The following KCNJ6 variants were observed in gnomAD, a reference collection of about 807,000 sequenced individuals.
KCNJ6 encodes the protein potassium inwardly rectifying channel subfamily J member 6.
KCNJ6 carries 9 observed loss-of-function variants against 34.2 expected under a neutral mutation model. The observed-to-expected ratio is 0.26, with a 90% CI of 0.16 to 0.46. The LOEUF is 0.46. Among genes scored for constraint, KCNJ6 ranks in the 20% least tolerant of loss-of-function variants. KCNJ6 has a pLI of 1.00. For synonymous variants in KCNJ6, 196 were observed against 207.1 expected, an observed-to-expected ratio of 0.95 and a Z score of 0.46; for missense variants, 236 against 531.3, an observed-to-expected ratio of 0.44 and a Z score of 5.46.
At chr21:37,781,746 C>T (rs1207782447) in intron 2 of KCNJ6, among the ~76,000 whole-genome samples, 1 of 152,096 alleles carries the variant, frequency 6.6e-6, no homozygotes, top group Non-Finnish European at 1.5e-5. Flanking sequence ...TATTTTAGGT[C>T]AAGATTCTGT....
intron 3 of KCNJ6, among the ~76,000 whole-genome samples, chr21:37,637,401 A>T (rs888898793): frequency 1.3e-5 from 2 of 152,234 alleles, no homozygotes; most frequent in African/African-American, 2.4e-5. Context: ...GTGGATTTTT[A>T]AAAATGTCTA....
At chr21:37,653,750 T>G (rs2054444435) in intron 3 of KCNJ6, among the ~76,000 whole-genome samples, 1 of 152,218 alleles carries the variant, frequency 6.6e-6, no homozygotes, top group Admixed American at 6.5e-5. Context: ...TTTAATTATC[T>G]TGCCTTTCTT....
intron 2 of KCNJ6, among the ~76,000 whole-genome samples, chr21:37,793,590 C>T (rs117817589): frequency 0.015 from 2,277 of 151,206 alleles, 42 homozygotes; most frequent in Non-Finnish European, 0.02. Context: ...GCTATCAAGC[C>T]TCTAAGGCTC....
At chr21:37,743,854 C>T (rs929041829) in intron 2 of KCNJ6, among the ~76,000 whole-genome samples, 5 of 151,848 alleles carry the variant, frequency 3.3e-5, no homozygotes, top group Non-Finnish European at 2.9e-5. Flanking sequence ...AACCCCTCAG[C>T]GATTACTTTT....
At chr21:37,649,605 A>G (rs2054423181) in intron 3 of KCNJ6, among the ~76,000 whole-genome samples, 1 of 152,152 alleles carries the variant, frequency 6.6e-6, no homozygotes, top group South Asian at 2.1e-4. Context: ...CACCTTTGCT[A>G]GGCTGTGCCT....
At chr21:37,755,059 A>C (rs1326606634) in intron 2 of KCNJ6, among the ~76,000 whole-genome samples, 1 of 152,208 alleles carries the variant, frequency 6.6e-6, no homozygotes, top group Non-Finnish European at 1.5e-5. Context: ...AGCTGGCCTG[A>C]GAAAGAAGTC....
rs1569430091 is a variant in KCNJ6, at chr21:37,617,062, C to CTTTCT, written c.*8096_*8097insAGAAA. Reference sequence around the variant, plus strand: ...TTTCTTTCTTTCTTTCTTTTCTTTTCTTTTCTTTTCTTTTCTTTCTTTTTC... The same window carrying CTTTCT: ...TTTCTTTCTTTCTTTCTTTTCTTTTCTTTCTTTTTCTTTTCTTTTCTTTCTTTTTC... On this transcript the variant is annotated 3_prime_UTR_variant, in exon 4 of 4. Transcript: ENST00000609713. 5.0e-5 allele frequency: 3 copies of CTTTCT among 60,344 alleles called. No homozygotes were observed. The highest frequency in any genetic ancestry group is 1.4e-4 in the African/African-American group (3 of 21,926). 3.7% of individuals were successfully genotyped at this position (60,344 alleles called of 1,614,324 possible).
chr21:37,907,350 T>A (rs1007528413), intron 1 of KCNJ6, among the ~76,000 whole-genome samples: 24 of 151,768 alleles, frequency 1.6e-4, no homozygotes, highest in African/African-American at 5.3e-4. Context: ...TCATTTTTTT[T>A]ATAGAGAAAT....
At chr21:37,815,250 A>C (rs1306604138) in intron 2 of KCNJ6, among the ~76,000 whole-genome samples, 2 of 152,228 alleles carry the variant, frequency 1.3e-5, no homozygotes, top group Non-Finnish European at 2.9e-5. Context: ...TGTACCTTTT[A>C]AAACAACTAA....
rs940510349 is a variant in KCNJ6 at position 37,615,921 on chromosome 21, A to G, written c.*9238T>C. On this transcript the variant is annotated 3_prime_UTR_variant, in exon 4 of 4. Coordinates refer to ENST00000609713, the MANE Select transcript of KCNJ6 (RefSeq NM_002240.5). ...GTGTGATATGAGGATGATGGCTTGA[A>G]GAAGAGCCTTTTAAGAAGCAATTTG... The G allele has an allele frequency of 6.6e-6, 1 of 152,260 alleles. No homozygotes were observed. Among genetic ancestry groups the G allele is most frequent in the African/African-American group, 2.4e-5 (1 of 41,470 alleles). 9.4% of individuals were successfully genotyped at this position (152,260 alleles called of 1,614,324 possible).
rs537908059 is a variant in KCNJ6 at position 37,685,452 on chromosome 21, C to T, written c.946+28759G>A. On this transcript the variant is annotated intron_variant, in intron 3 of 3. Transcript: ENST00000609713. ...ATCCCAGCACTTTGGGAGGCCAAGGCGGGCGGATCACAAGTTCAGGAGATT... is the reference window on the plus strand; with the variant it reads ...ATCCCAGCACTTTGGGAGGCCAAGGTGGGCGGATCACAAGTTCAGGAGATT... Among the ~76,000 whole-genome samples the T allele has an allele frequency of 2.0e-3, 288 of 147,486 alleles. 1 individual carries two copies. Among genetic ancestry groups the T allele is most frequent in the Non-Finnish European group, 3.2e-3 (217 of 66,950 alleles).
intron 2 of KCNJ6, among the ~76,000 whole-genome samples, chr21:37,798,570 G>A (rs916680358): frequency 9.2e-5 from 14 of 152,224 alleles, no homozygotes; most frequent in African/African-American, 3.4e-4. Context: ...GTCTGTCCAG[G>A]ACGGAATATG....
At chr21:37,844,252 GT>G (rs1229488109) in intron 1 of KCNJ6, among the ~76,000 whole-genome samples, 1 of 152,018 alleles carries the variant, frequency 6.6e-6, no homozygotes, top group African/African-American at 2.4e-5. Flanking sequence ...TAGAGATGGG[GT>G]TTCACCACGT....
intron 3 of KCNJ6, among the ~76,000 whole-genome samples, chr21:37,664,340 T>G (rs2054504182): frequency 6.6e-6 from 1 of 151,674 alleles, no homozygotes; most frequent in South Asian, 2.1e-4. Flanking sequence ...AAAGAGACAA[T>G]AAAGATGACA....
chr21:37,678,378 G>A (rs1783047), intron 3 of KCNJ6, among the ~76,000 whole-genome samples: 148,909 of 152,348 alleles, frequency 0.98, 72,812 homozygotes, highest in East Asian at 1. Flanking sequence ...GAATGTTATG[G>A]TCGGTGCTGT....
chr21:37,730,183 C>T (rs1173756645), intron 2 of KCNJ6, among the ~76,000 whole-genome samples: 2 of 152,222 alleles, frequency 1.3e-5, no homozygotes, highest in African/African-American at 4.8e-5. Flanking sequence ...TGGGGAATCC[C>T]AGCTCTGCTG....
chr21:37,696,029 A>G (rs1480107264), intron 3 of KCNJ6, among the ~76,000 whole-genome samples: 2 of 152,270 alleles, frequency 1.3e-5, no homozygotes, highest in African/African-American at 4.8e-5. Context: ...AGAGGAATCC[A>G]TGAATCCATA....
At chr21:37,664,869 T>C (rs2054506727) in intron 3 of KCNJ6, among the ~76,000 whole-genome samples, 4 of 146,916 alleles carry the variant, frequency 2.7e-5, no homozygotes, top group African/African-American at 1.0e-4. Flanking sequence ...CAATCTTGGC[T>C]CACTGCAAGC....
chr21:37,659,628 T>C (rs1383625973), intron 3 of KCNJ6, among the ~76,000 whole-genome samples: 1 of 152,228 alleles, frequency 6.6e-6, no homozygotes, highest in African/African-American at 2.4e-5. Context: ...CCCCCCGACC[T>C]GGGGTACTCA....
Sources: gnomAD v4.1 joint callset for allele counts (sites outside exome capture counted in the v4.1 genomes callset) on GRCh38, gnomAD v4.1.1 for gene constraint, MANE v1.5 for transcripts, NCBI Gene and HGNC (gene_info 2026-07-23, HGNC 2026-07-21) for gene names.